ZW10: variants seen among roughly 807,000 people sequenced by gnomAD.
ZW10 encodes the protein centromere/kinetochore protein zw10 homolog.
A neutral mutation model predicts 87.8 loss-of-function variants in ZW10; 53 were observed. The observed-to-expected ratio is 0.60, with a 90% CI of 0.48 to 0.76. The LOEUF is 0.76. ZW10 is among the 30% of genes least tolerant of loss of function. The pLI, the probability that ZW10 is intolerant of heterozygous loss-of-function variation, is 0.00. For missense variants in ZW10, 837 were observed against 923.0 expected, an observed-to-expected ratio of 0.91 and a Z score of 1.21; for synonymous variants, 312 against 329.2, an observed-to-expected ratio of 0.95 and a Z score of 0.57.
intron 5 of ZW10, among the ~76,000 whole-genome samples, chr11:113,759,251 C>A: frequency 6.6e-6 from 1 of 152,160 alleles, no homozygotes; most frequent in East Asian, 1.9e-4. Context: ...TATGTTCTTT[C>A]TGCCAAACAA....
intron 11 of ZW10, among the ~76,000 whole-genome samples, chr11:113,741,229 C>T (rs1953614765): frequency 6.6e-6 from 1 of 152,108 alleles, no homozygotes; most frequent in Non-Finnish European, 1.5e-5. Flanking sequence ...ATCCTCCCAC[C>T]TCTGCCTTCC....
chr11:113,773,520 C>T (rs1359672238), intron 1 of ZW10, 42 bp downstream of exon 1: 1 of 1,560,748 alleles, frequency 6.4e-7, no homozygotes, highest in Admixed American at 1.7e-5. Flanking sequence ...CACAAGGACC[C>T]GGAGTCCCCT....
chr11:113,740,408 T>C (rs1284814127), intron 11 of ZW10, among the ~76,000 whole-genome samples: 1 of 151,978 alleles, frequency 6.6e-6, no homozygotes. Context: ...GGGCAACATA[T>C]ACAGACCCTA....
chr11:113,738,629 G>C (rs574406331), intron 12 of ZW10, among the ~76,000 whole-genome samples: 16 of 152,196 alleles, frequency 1.1e-4, no homozygotes, highest in Admixed American at 7.9e-4. Context: ...CTTAGAGCCC[G>C]AGTCAGCTAA....
At chr11:113,760,704 A>G in intron 3 of ZW10, 113 bp downstream of exon 3, 1 of 1,161,594 alleles carries the variant, frequency 8.6e-7, no homozygotes, top group Non-Finnish European at 1.2e-6. Flanking sequence ...AAAAAAAAAA[A>G]GAAAGAAAAA....
intron 7 of ZW10, among the ~76,000 whole-genome samples, chr11:113,748,907 C>T (rs1300857750): frequency 7.2e-5 from 11 of 152,066 alleles, no homozygotes; most frequent in Non-Finnish European, 2.9e-5. Flanking sequence ...GTGCATTTTT[C>T]GAACACATAT....
intron 7 of ZW10, among the ~76,000 whole-genome samples, chr11:113,755,402 A>T (rs61905741): frequency 0.076 from 11,594 of 152,234 alleles, 601 homozygotes; most frequent in Non-Finnish European, 0.11. Context: ...ATGGCAAGAG[A>T]GCTAGAATCA....
intron 7 of ZW10, among the ~76,000 whole-genome samples, chr11:113,752,306 C>T (rs923287425): frequency 7.9e-5 from 12 of 152,070 alleles, no homozygotes; most frequent in African/African-American, 1.2e-4. Context: ...AATATATATA[C>T]ACACACAGCT....
chr11:113,739,439 T>G, intron 11 of ZW10, 57 bp from the exon 12 acceptor site: 2 of 1,483,032 alleles, frequency 1.3e-6, no homozygotes, highest in Non-Finnish European at 1.8e-6. Flanking sequence ...GAAGCTGGGG[T>G]TGATGAAAGT....
chr11:113,745,497 C>G (rs1953668946), intron 9 of ZW10, among the ~76,000 whole-genome samples: 1 of 152,080 alleles, frequency 6.6e-6, no homozygotes, highest in South Asian at 2.1e-4. Context: ...CTTTAGAGAG[C>G]TGTTATGAAG....
At chr11:113,747,240 G>A (rs1440406393) in intron 9 of ZW10, among the ~76,000 whole-genome samples, 1 of 152,094 alleles carries the variant, frequency 6.6e-6, no homozygotes, top group Non-Finnish European at 1.5e-5. Context: ...AAATAAAGAT[G>A]AGAATAATCT....
At chr11:113,739,909 T>C (rs1043244273) in intron 11 of ZW10, among the ~76,000 whole-genome samples, 9 of 152,106 alleles carry the variant, frequency 5.9e-5, no homozygotes, top group Non-Finnish European at 1.0e-4. Flanking sequence ...AATCACAGCA[T>C]TTATATGTTT....
At position 113,747,723 on chromosome 11, in the gene ZW10, A is replaced by G. The variant is rs1310690906; in HGVS notation, c.1090-10T>C. Reference sequence around the variant, plus strand: ...CAGTGGACTGTATGATCTGAGATACAAAAGAAAAAAAAGAAAAGAATCATT... The same window carrying G: ...CAGTGGACTGTATGATCTGAGATACGAAAGAAAAAAAAGAAAAGAATCATT... On this transcript the variant is annotated splice_polypyrimidine_tract_variant and intron_variant, in intron 8 of 15. Transcript: ENST00000200135. 16 of 1,558,554 alleles carry G rather than the reference A, an allele frequency of 1.0e-5. No homozygotes were observed. Among genetic ancestry groups the G allele is most frequent in the Non-Finnish European group, 1.3e-5 (15 of 1,149,486 alleles).
Position 113,739,331 on chromosome 11 carries a change from A to G in ZW10, c.1635T>C (p.Cys545=). The change falls in exon 12 of 16, where the codon TGT becomes TGC. Residue 545 remains cysteine, a synonymous_variant. Coordinates refer to ENST00000200135, the MANE Select transcript of ZW10 (RefSeq NM_004724.4). The part of the protein sequence containing the change: ...PQLAAIHHNN[C]MYIAHHLLTL... ...TCAGCAAGTGGTGAGCAATGTACAT[A>G]CAGTTGTTGTGATGAATAGCAGCCA... 1 of 1,609,956 alleles carries G rather than the reference A, an allele frequency of 6.2e-7. No individual in the cohort carries two copies. The highest frequency in any genetic ancestry group is 8.5e-7 in the Non-Finnish European group (1 of 1,178,244).
In ZW10 at chr11:113,773,545, AGCTGCCCC is replaced by A; in HGVS notation, c.105+9_105+16del. 2 of 1,608,606 alleles carry A rather than the reference AGCTGCCCC, an allele frequency of 1.2e-6. No individual in the cohort carries two copies. On this transcript the variant is annotated intron_variant, in intron 1 of 15. Coordinates refer to ENST00000200135, the MANE Select transcript of ZW10 (RefSeq NM_004724.4). The stretch of plus-strand genomic sequence containing the variant: ...CGGAGTCCCCTTCCAGTCAGCAGAC[AGCTGCCCC>A]GCTCTCACCTTGATCTCCTCCACCC...
intron 11 of ZW10, among the ~76,000 whole-genome samples, chr11:113,741,234 C>G (rs1342498167): frequency 6.6e-6 from 1 of 152,098 alleles, no homozygotes; most frequent in Non-Finnish European, 1.5e-5. Flanking sequence ...CCCACCTCTG[C>G]CTTCCAAGGT....
chr11:113,764,099 C>T (rs1431091521), intron 2 of ZW10, among the ~76,000 whole-genome samples: 1 of 152,178 alleles, frequency 6.6e-6, no homozygotes, highest in Admixed American at 6.5e-5. Context: ...TTTCTCAGCA[C>T]CATTTTACTG....
At chr11:113,759,097 G>C (rs571845785) in intron 5 of ZW10, among the ~76,000 whole-genome samples, 28 of 152,296 alleles carry the variant, frequency 1.8e-4, no homozygotes, top group African/African-American at 6.5e-4. Flanking sequence ...AGTTGGGGCT[G>C]AGGCAGAAGG....
At chr11:113,741,869 TAC>T in intron 10 of ZW10, 104 bp from the exon 11 acceptor site, 1 of 695,284 alleles carries the variant, frequency 1.4e-6, no homozygotes, top group Non-Finnish European at 2.4e-6. Context: ...AAGCTAAAAC[TAC>T]AGTTGCACAG....
Sources: allele counts gnomAD v4.1 joint callset (sites outside exome capture counted in the v4.1 genomes callset), GRCh38; gene constraint gnomAD v4.1.1; transcripts MANE v1.5; gene names NCBI Gene and HGNC (gene_info 2026-07-23, HGNC 2026-07-21).